Variants in TYW1B observed in about 807,000 individuals in gnomAD.
The protein encoded by TYW1B is S-adenosyl-L-methionine-dependent tRNA 4-demethylwyosine synthase TYW1B.
A neutral mutation model predicts 86.9 loss-of-function variants in TYW1B; 73 were observed. The ratio of observed to expected loss-of-function variants is 0.84; its 90% CI spans 0.70 to 1.02. The LOEUF (loss-of-function observed/expected upper bound fraction) is 1.02, where lower values mean the gene tolerates loss of function less well. Ranked by LOEUF, TYW1B falls within the 50% of genes least tolerant of loss-of-function variation. The pLI is 0.00. For missense variants in TYW1B, 637 were observed against 827.4 expected, an observed-to-expected ratio of 0.77 and a Z score of 2.82; for synonymous variants, 248 against 292.8, an observed-to-expected ratio of 0.85 and a Z score of 1.56.
intron 12 of TYW1B, among the ~76,000 whole-genome samples, 158 bp from the exon 13 acceptor site, chr7:72,616,997 G>A (rs1812092814): frequency 6.6e-6 from 1 of 152,166 alleles, no homozygotes; most frequent in Non-Finnish European, 1.5e-5. Flanking sequence ...ATCTGCCTAG[G>A]AGACCATACA....
At chr7:72,614,444 C>T (rs1554436490) in intron 13 of TYW1B, among the ~76,000 whole-genome samples, 5 of 152,084 alleles carry the variant, frequency 3.3e-5, no homozygotes, top group African/African-American at 1.2e-4. Flanking sequence ...ACCAGCCTGG[C>T]TAACATGGTG....
chr7:72,741,728 T>C lies in TYW1B; in HGVS notation c.1082+2756A>G, dbSNP rs151272214. 7.6e-4 allele frequency among the ~76,000 whole-genome samples: 116 copies of C among 152,156 alleles called. 1 individual carries two copies. Among genetic ancestry groups the C allele is most frequent in the African/African-American group, 2.5e-3 (104 of 41,504 alleles). On this transcript the variant is annotated intron_variant, in intron 8 of 13. Transcript: ENST00000620995. ...GAAGAATAAGACAAAGAAAGTAACT[T>C]GAAAGAAGCGAGAGAGAAGGCACTC...
chr7:72,575,302 A>C lies in TYW1B; in HGVS notation c.*196T>G. 7.1e-7 allele frequency: 1 copy of C among 1,414,758 alleles called. No individual in the cohort carries two copies. Among genetic ancestry groups the C allele is most frequent in the Non-Finnish European group, 9.2e-7 (1 of 1,083,214 alleles). The allele number at this position is 1,414,758 out of a possible 1,614,324, so 87.6% of individuals were successfully genotyped here. On this transcript the variant is annotated 3_prime_UTR_variant, in exon 14 of 14. Transcript: ENST00000620995. The stretch of plus-strand genomic sequence containing the variant: ...ATCAGGAAAGGGGCTGAGTTCTGAA[A>C]AGAAACATCGGGGCTGTGGCCCAGG...
At chr7:72,822,162 C>CAAAAAAA (rs782637112) in intron 2 of TYW1B, among the ~76,000 whole-genome samples, 1 of 36,304 alleles carries the variant, frequency 2.8e-5, no homozygotes, top group Non-Finnish European at 5.5e-5. Flanking sequence ...GACCCTGTCT[C>CAAAAAAA]AAAAAAAAAA....
At chr7:72,712,273 C>T (rs1484536603) in intron 10 of TYW1B, among the ~76,000 whole-genome samples, 1 of 152,272 alleles carries the variant, frequency 6.6e-6, no homozygotes, top group Middle Eastern at 3.4e-3. Flanking sequence ...TCCTCTTCTC[C>T]GCTAGCCTCT....
At chr7:72,708,306 A>T (rs13224801) in intron 10 of TYW1B, among the ~76,000 whole-genome samples, 2 of 152,196 alleles carry the variant, frequency 1.3e-5, no homozygotes, top group South Asian at 2.1e-4. Flanking sequence ...CTTAGAAAAA[A>T]AAATTCTAAT....
intron 6 of TYW1B, among the ~76,000 whole-genome samples, chr7:72,796,518 G>A (rs1554474485): frequency 2.6e-5 from 4 of 151,718 alleles, no homozygotes; most frequent in Non-Finnish European, 1.5e-5. Flanking sequence ...TTACAGGCAT[G>A]AGCCACCGCG....
intron 6 of TYW1B, among the ~76,000 whole-genome samples, chr7:72,781,651 T>C (rs1788052361): frequency 6.6e-6 from 1 of 152,228 alleles, no homozygotes; most frequent in South Asian, 2.1e-4. Flanking sequence ...TCTCTCCACC[T>C]ACAATGCCAC....
At chr7:72,677,763 G>A (rs1355141648) in intron 11 of TYW1B, among the ~76,000 whole-genome samples, 2 of 152,000 alleles carry the variant, frequency 1.3e-5, no homozygotes, top group Non-Finnish European at 2.9e-5. Flanking sequence ...GTGCAGTAGC[G>A]TGATCTTGGC....
intron 7 of TYW1B, among the ~76,000 whole-genome samples, chr7:72,772,757 G>A (rs1314704446): frequency 5.3e-5 from 8 of 152,136 alleles, no homozygotes; most frequent in Non-Finnish European, 1.0e-4. Flanking sequence ...AAAGACTCTT[G>A]CAGGCAAATA....
chr7:72,716,159 G>C (rs1394460606), intron 9 of TYW1B, among the ~76,000 whole-genome samples: 1 of 152,160 alleles, frequency 6.6e-6, no homozygotes, highest in African/African-American at 2.4e-5. Context: ...GGATGGTCTC[G>C]ATCTCCTGAC....
Position 72,826,838 on chromosome 7 carries a change from A to G in TYW1B, c.135+17T>C. On this transcript the variant is annotated intron_variant, in intron 2 of 13. Transcript: ENST00000620995. ...CTGATGCCTAAATACTCTATTAAAA[A>G]AAATAACTCCACTTACCTGCATCTC... The G allele has an allele frequency of 6.2e-7, 1 of 1,605,122 alleles. No homozygotes were observed. Among genetic ancestry groups the G allele is most frequent in the Non-Finnish European group, 8.5e-7 (1 of 1,178,210 alleles).
At chr7:72,675,608 TGC>T in intron 11 of TYW1B, among the ~76,000 whole-genome samples, 1 of 149,230 alleles carries the variant, frequency 6.7e-6, no homozygotes, top group Non-Finnish European at 1.5e-5. Flanking sequence ...CACACACACA[TGC>T]ACTGTATATA....
intron 7 of TYW1B, among the ~76,000 whole-genome samples, chr7:72,750,319 A>G (rs946309432): frequency 6.6e-6 from 1 of 152,046 alleles, no homozygotes; most frequent in Non-Finnish European, 1.5e-5. Context: ...TCCTTAAACA[A>G]TATTTTGCTG....
intron 11 of TYW1B, among the ~76,000 whole-genome samples, chr7:72,640,528 A>G (rs1210820537): frequency 9.9e-5 from 15 of 152,132 alleles, no homozygotes; most frequent in Admixed American, 8.5e-4. Flanking sequence ...ACCTAAAAAA[A>G]AAAACTAGTG....
intron 11 of TYW1B, among the ~76,000 whole-genome samples, chr7:72,667,486 G>C (rs138791166): frequency 3.0e-4 from 45 of 152,246 alleles, no homozygotes; most frequent in Non-Finnish European, 5.0e-4. Flanking sequence ...AGGCCAACCC[G>C]GGCAGATAGC....
chr7:72,613,157 T>C (rs1235353495), intron 13 of TYW1B, among the ~76,000 whole-genome samples: 1 of 152,090 alleles, frequency 6.6e-6, no homozygotes, highest in Non-Finnish European at 1.5e-5. Context: ...AAATTGAAGG[T>C]GACTACAGAG....
At chr7:72,582,532 T>C (rs192594521) in intron 13 of TYW1B, among the ~76,000 whole-genome samples, 5 of 152,320 alleles carry the variant, frequency 3.3e-5, no homozygotes, top group Admixed American at 3.3e-4. Flanking sequence ...GTTGTACTTT[T>C]TACATGCCAG....
intron 11 of TYW1B, among the ~76,000 whole-genome samples, chr7:72,662,605 AT>A (rs1813359533): frequency 2.0e-5 from 3 of 152,216 alleles, no homozygotes; most frequent in Admixed American, 2.0e-4. Context: ...GATTTTTAAC[AT>A]TTCTAACAGG....
Sources: allele counts gnomAD v4.1 joint callset (sites outside exome capture counted in the v4.1 genomes callset), GRCh38; gene constraint gnomAD v4.1.1; transcripts MANE v1.5; gene names NCBI Gene and HGNC (gene_info 2026-07-23, HGNC 2026-07-21).